Variants in CPZ observed in about 807,000 individuals in gnomAD.
CPZ encodes VEZT/CPZ fusion.
CPZ carries 103 observed loss-of-function variants against 61.8 expected under a neutral mutation model. The ratio of observed to expected loss-of-function variants is 1.67; its 90% CI spans 1.42 to 1.96. The LOEUF is 1.96. Among genes scored for constraint, CPZ ranks in the 30% most tolerant of loss-of-function variants. The probability of loss-of-function intolerance (pLI) is 0.00; values close to 1 mark genes in which losing one functional copy is unlikely to be tolerated. For synonymous variants in CPZ, 551 were observed against 373.7 expected, an observed-to-expected ratio of 1.47 and a Z score of -5.47; for missense variants, 1,461 against 914.9, an observed-to-expected ratio of 1.60 and a Z score of -7.70.
chr4:8,599,015 G>T (rs535404226), intron 1 of CPZ, among the ~76,000 whole-genome samples: 44 of 152,328 alleles, frequency 2.9e-4, no homozygotes, highest in African/African-American at 9.9e-4. Context: ...AGGGCTCCGG[G>T]GGCTGACAGT....
intron 8 of CPZ, among the ~76,000 whole-genome samples, chr4:8,614,145 T>G (rs778023632): frequency 6.6e-6 from 1 of 152,232 alleles, no homozygotes; most frequent in Admixed American, 6.5e-5. Flanking sequence ...CTTGCAGTTG[T>G]TCAGCCCCTC....
At chr4:8,600,915 T>G in intron 2 of CPZ, 1 of 1,281,120 alleles carries the variant, frequency 7.8e-7, no homozygotes, top group South Asian at 3.0e-5. Flanking sequence ...GGTGGGTAGT[T>G]GAATCTGGTT....
At chr4:8,608,641 C>CGT (rs57341669) in intron 7 of CPZ, among the ~76,000 whole-genome samples, 5 of 151,418 alleles carry the variant, frequency 3.3e-5, no homozygotes, top group African/African-American at 1.2e-4. Context: ...TGTGAGTGCA[C>CGT]GTGTGTGCGT....
Position 8,606,891 on chromosome 4 carries a change from G to T in CPZ, c.1061G>T (p.Trp354Leu). 6.2e-7 allele frequency: 1 copy of T among 1,609,862 alleles called. No individual in the cohort carries two copies. Among genetic ancestry groups the T allele is most frequent in the South Asian group, 1.1e-5 (1 of 90,764 alleles). ...DHIPIPQHYW[W>L]GKVAPETKAI... Reference sequence around the variant, plus strand: ...ATCCCCATCCCCCAGCACTACTGGTGGGGTAAGGTAGGAGCCGCCGCTGCC... The same window carrying T: ...ATCCCCATCCCCCAGCACTACTGGTTGGGTAAGGTAGGAGCCGCCGCTGCC... Residue 354 changes from tryptophan (W) to leucine (L), a missense_variant, in exon 6 of 11, where the codon TGG (tryptophan) becomes TTG (leucine). Trp to Leu is a moderately conservative substitution (Grantham distance 61). Transcript: ENST00000360986.
rs530501799 is a variant in CPZ at position 8,618,360 on chromosome 4, G to T, written c.1504-69G>T. Reference sequence around the variant, plus strand: ...AAGCTCTGAGGAGCATGTGGGGAACGAGCTGACGGCCTCCACGCTCAGCAG... The same window carrying T: ...AAGCTCTGAGGAGCATGTGGGGAACTAGCTGACGGCCTCCACGCTCAGCAG... On this transcript the variant is annotated intron_variant, in intron 9 of 10. Transcript: ENST00000360986. The T allele has an allele frequency of 1.4e-5, 20 of 1,471,100 alleles. No individual in the cohort carries two copies. In the Admixed American group the frequency reaches 3.2e-4, roughly 24 times the overall value. The allele number at this position is 1,471,100 out of a possible 1,614,324, so 91.1% of individuals were successfully genotyped here. A position where few individuals can be genotyped will look rare whatever the true frequency, so the allele number is the denominator to read the frequency against.
Position 8,619,708 on chromosome 4 carries a change from C to G in CPZ, c.*91C>G. On this transcript the variant is annotated 3_prime_UTR_variant, in exon 11 of 11. Transcript: ENST00000360986. ...TCTTGATTTTGTCTGCCACAGACATCCCACAAAGCCGCTGCCATTTTATTA... is the reference window on the plus strand; with the variant it reads ...TCTTGATTTTGTCTGCCACAGACATGCCACAAAGCCGCTGCCATTTTATTA... The G allele has an allele frequency of 1.0e-6, 1 of 967,276 alleles. No individual in the cohort carries two copies. Among genetic ancestry groups the G allele is most frequent in the Non-Finnish European group, 1.5e-6 (1 of 687,012 alleles). 59.9% of individuals were successfully genotyped at this position (967,276 alleles called of 1,614,324 possible). A position where few individuals can be genotyped will look rare whatever the true frequency, so the allele number is the denominator to read the frequency against.
chr4:8,611,078 ATT>A (rs1560299873), intron 7 of CPZ: 5 of 362,768 alleles, frequency 1.4e-5, no homozygotes, highest in African/African-American at 1.1e-4. Flanking sequence ...TCACTCATTC[ATT>A]CGCTCATTCA....
At chr4:8,617,712 G>A (rs999087429) in intron 9 of CPZ, among the ~76,000 whole-genome samples, 7 of 152,172 alleles carry the variant, frequency 4.6e-5, no homozygotes, top group Admixed American at 6.5e-5. Flanking sequence ...TCTCCCCACA[G>A]GCATCCTGGT....
chr4:8,619,375 A>G lies in CPZ; in HGVS notation c.1717A>G (p.Arg573Gly). 6.2e-7 allele frequency: 1 copy of G among 1,614,192 alleles called. No individual in the cohort carries two copies. Among genetic ancestry groups the G allele is most frequent in the South Asian group, 1.1e-5 (1 of 91,082 alleles). Residue 573 changes from arginine (R) to glycine (G), a missense_variant, in exon 11 of 11, where the codon AGG (arginine) becomes GGG (glycine). By Grantham distance (125) the Arg-to-Gly change is moderately radical. Coordinates refer to ENST00000360986, the MANE Select transcript of CPZ (RefSeq NM_001014447.3). ...AGTCATCATCCCCGCCCGGATGAAGAGGGCTGGCCGTGTGGACTTCATTCT... is the reference window on the plus strand; with the variant it reads ...AGTCATCATCCCCGCCCGGATGAAGGGGGCTGGCCGTGTGGACTTCATTCT... ...KKVIIPARMKRAGRVDFILQP... is the reference protein window; with the variant it reads ...KKVIIPARMKGAGRVDFILQP...
At position 8,600,876 on chromosome 4, in the gene CPZ, T is replaced by C. The variant is rs1251538754; in HGVS notation, c.122-247T>C. On this transcript the variant is annotated intron_variant, in intron 2 of 10. Coordinates refer to ENST00000360986, the MANE Select transcript of CPZ (RefSeq NM_001014447.3). ...GCTTTGCAGATGGAGACGCCGAGGCTCAGGGCAGCCTGCTGCGGCTGGCTT... is the reference window on the plus strand; with the variant it reads ...GCTTTGCAGATGGAGACGCCGAGGCCCAGGGCAGCCTGCTGCGGCTGGCTT... The C allele has an allele frequency of 1.4e-5, 17 of 1,224,848 alleles. No homozygotes were observed. In the East Asian group the frequency reaches 5.1e-4, roughly 37 times the overall value. 75.9% of individuals were successfully genotyped at this position (1,224,848 alleles called of 1,614,324 possible).
intron 8 of CPZ, among the ~76,000 whole-genome samples, chr4:8,613,810 C>A (rs1486658464): frequency 1.3e-5 from 2 of 152,204 alleles, no homozygotes; most frequent in Non-Finnish European, 2.9e-5. Context: ...CCCGTGGTCT[C>A]CCTGGGAGAT....
chr4:8,599,530 G>C (rs1577109028), intron 2 of CPZ, 45 bp downstream of exon 2: 5 of 1,609,574 alleles, frequency 3.1e-6, no homozygotes, highest in Non-Finnish European at 4.2e-6. Flanking sequence ...TAGGAGGGCT[G>C]CAGCCCCCAC....
chr4:8,606,444 C>A (rs907932351), intron 5 of CPZ, among the ~76,000 whole-genome samples: 4 of 151,886 alleles, frequency 2.6e-5, no homozygotes, highest in African/African-American at 4.8e-5. Flanking sequence ...CCGTGTGTGT[C>A]AGCGGGGGGT....
intron 8 of CPZ, 33 bp downstream of exon 8, chr4:8,612,195 G>T: frequency 2.7e-6 from 1 of 376,298 alleles, no homozygotes. Flanking sequence ...CTGGGCGGGG[G>T]GTGGGGGGTG....
intron 7 of CPZ, 23 bp from the exon 8 acceptor site, chr4:8,612,004 T>C: frequency 6.2e-7 from 1 of 1,613,702 alleles, no homozygotes; most frequent in Non-Finnish European, 8.5e-7. Flanking sequence ...CCTTTCCTTA[T>C]CTGAGCCAGG....
At position 8,603,809 on chromosome 4, in the gene CPZ, G is replaced by C. The variant is rs1233022393; in HGVS notation, c.497-167G>C. On this transcript the variant is annotated intron_variant, in intron 3 of 10. Transcript: ENST00000360986. ...CATACCTCAGGTGCCGTTTGGCTTAGATATCGTTGTAGGCACTGCAGAGGG... is the reference window on the plus strand; with the variant it reads ...CATACCTCAGGTGCCGTTTGGCTTACATATCGTTGTAGGCACTGCAGAGGG... 12 of 641,382 alleles carry C rather than the reference G, an allele frequency of 1.9e-5. 1 individual carries two copies. In the South Asian group the frequency reaches 2.2e-4, roughly 12 times the overall value. The allele number at this position is 641,382 out of a possible 1,614,324, so 39.7% of individuals were successfully genotyped here. A position where few individuals can be genotyped will look rare whatever the true frequency, so the allele number is the denominator to read the frequency against.
At chr4:8,618,115 G>A in intron 9 of CPZ, 1 of 360,854 alleles carries the variant, frequency 2.8e-6, no homozygotes, top group Non-Finnish European at 5.2e-6. Flanking sequence ...TGCCGATCAG[G>A]CAGAAGAGTG....
intron 9 of CPZ, chr4:8,618,125 G>A (rs1716356163): frequency 5.3e-6 from 2 of 375,222 alleles, no homozygotes; most frequent in South Asian, 2.8e-5. Context: ...GCAGAAGAGT[G>A]GCAGGAAAGG....
chr4:8,618,395 C>G (rs552297031), intron 9 of CPZ, 34 bp from the exon 10 acceptor site: 7 of 1,598,708 alleles, frequency 4.4e-6, no homozygotes, highest in Non-Finnish European at 6.0e-6. Context: ...GGAGAGCTCA[C>G]GCCATCTCCC....
Sources: allele counts gnomAD v4.1 joint callset (sites outside exome capture counted in the v4.1 genomes callset), GRCh38; gene constraint gnomAD v4.1.1; transcripts MANE v1.5; gene names NCBI Gene and HGNC (gene_info 2026-07-23, HGNC 2026-07-21).